Variants in MARCHF1 observed in about 807,000 individuals in gnomAD.
The protein encoded by MARCHF1 is membrane associated ring-CH-type finger 1.
A neutral mutation model predicts 54.2 loss-of-function variants in MARCHF1; 40 were observed. The ratio of observed to expected loss-of-function variants is 0.74; its 90% CI spans 0.57 to 0.96. The LOEUF (loss-of-function observed/expected upper bound fraction) is 0.96. Ranked by LOEUF, MARCHF1 falls within the 40% of genes least tolerant of loss-of-function variation. The probability of loss-of-function intolerance (pLI) is 0.00; values close to 1 mark genes in which losing one functional copy is unlikely to be tolerated. For synonymous variants in MARCHF1, 236 were observed against 236.3 expected (o/e 1.00, Z 0.01); for missense variants, 586 against 656.5 (o/e 0.89, Z 1.17).
intron 1 of MARCHF1, among the ~76,000 whole-genome samples, chr4:164,339,737 T>C (rs1186645627): frequency 6.6e-6 from 1 of 152,000 alleles, no homozygotes; most frequent in Non-Finnish European, 1.5e-5. Flanking sequence ...GAGAAATAAA[T>C]AGACACTAGA....
chr4:164,070,946 G>A (rs983969146), intron 2 of MARCHF1, among the ~76,000 whole-genome samples: 16 of 152,100 alleles, frequency 1.1e-4, no homozygotes, highest in East Asian at 1.9e-4. Flanking sequence ...GAGATCTGAC[G>A]GGTTTATCAA....
chr4:163,544,731 CT>C (rs1413967653), intron 9 of MARCHF1, among the ~76,000 whole-genome samples: 1 of 152,006 alleles, frequency 6.6e-6, no homozygotes, highest in African/African-American at 2.4e-5. Context: ...CTTTCATTTT[CT>C]TCCATTTTTT....
At chr4:163,693,551 A>G (rs902344500) in intron 5 of MARCHF1, among the ~76,000 whole-genome samples, 72 of 151,496 alleles carry the variant, frequency 4.8e-4, no homozygotes, top group African/African-American at 1.7e-3. Flanking sequence ...TAAAAATGCA[A>G]TGTGGGCTCT....
chr4:164,034,064 T>TAGAC lies in MARCHF1; in HGVS notation c.-247-45359_-247-45356dup, dbSNP rs749006121. ...GATAGACTGGATAAAGAAAATGTGA[T>TAGAC]AGACAGATAGATAGATAGATAGATA... On this transcript the variant is annotated intron_variant, in intron 2 of 9. Transcript: ENST00000514618. Among the ~76,000 whole-genome samples, 398 of 135,772 alleles carry TAGAC rather than the reference T, an allele frequency of 2.9e-3. 2 individuals carry two copies. Among genetic ancestry groups the TAGAC allele is most frequent in the Middle Eastern group, 0.02 (5 of 256 alleles). 89.1% of individuals were successfully genotyped at this position (135,772 alleles called of 152,430 possible). A position where few individuals can be genotyped will look rare whatever the true frequency, so the allele number is the denominator to read the frequency against.
At chr4:164,059,709 AT>A (rs948243347) in intron 2 of MARCHF1, among the ~76,000 whole-genome samples, 2 of 152,112 alleles carry the variant, frequency 1.3e-5, no homozygotes, top group East Asian at 3.8e-4. Flanking sequence ...GATGCTGGGT[AT>A]TTTTTTAAAA....
intron 2 of MARCHF1, among the ~76,000 whole-genome samples, chr4:164,101,123 G>A (rs951928667): frequency 4.6e-5 from 7 of 152,228 alleles, no homozygotes; most frequent in Non-Finnish European, 7.3e-5. Context: ...CGCCCACGGA[G>A]TCTTGCTGAT....
chr4:164,116,043 T>G (rs959532280), intron 1 of MARCHF1, among the ~76,000 whole-genome samples: 1 of 152,124 alleles, frequency 6.6e-6, no homozygotes, highest in African/African-American at 2.4e-5. Flanking sequence ...AAAATCTAAA[T>G]AACTTATCTT....
rs545685128 is a variant in MARCHF1, at chr4:163,678,149, G to A, written c.162+22664C>T. Among the ~76,000 whole-genome samples, 5 of 152,268 alleles carry A rather than the reference G, an allele frequency of 3.3e-5. No homozygotes were observed. In the East Asian group the frequency reaches 7.7e-4, roughly 23 times the overall value. The stretch of plus-strand genomic sequence containing the variant: ...CACAGATGGAATTCCTTGATTCTCT[G>A]TTCTTCCCTATTTCTTATACTAAAA... On this transcript the variant is annotated intron_variant, in intron 5 of 9. Coordinates refer to ENST00000514618, the MANE Select transcript of MARCHF1 (RefSeq NM_001394959.1).
intron 2 of MARCHF1, among the ~76,000 whole-genome samples, chr4:164,028,367 C>T (rs184113466): frequency 6.6e-6 from 1 of 152,228 alleles, no homozygotes; most frequent in Admixed American, 6.5e-5. Flanking sequence ...GCAGTACATA[C>T]ACACCAAGAA....
chr4:164,080,279 G>A (rs145750231), intron 2 of MARCHF1, among the ~76,000 whole-genome samples: 50 of 152,284 alleles, frequency 3.3e-4, no homozygotes, highest in African/African-American at 1.2e-3. Flanking sequence ...GACTGCTGGC[G>A]AGACCAGCAG....
At chr4:164,342,270 C>G (rs1001558272) in intron 1 of MARCHF1, among the ~76,000 whole-genome samples, 3 of 152,082 alleles carry the variant, frequency 2.0e-5, no homozygotes, top group Admixed American at 2.0e-4. Flanking sequence ...TCACCTCACA[C>G]CTGTTAAGAC....
intron 3 of MARCHF1, among the ~76,000 whole-genome samples, chr4:163,863,008 A>T (rs936212746): frequency 2.6e-5 from 4 of 152,078 alleles, no homozygotes; most frequent in African/African-American, 7.2e-5. Flanking sequence ...CATTCTAGAA[A>T]AGATAATGCT....
At chr4:164,351,006 G>T (rs545475495) in intron 1 of MARCHF1, among the ~76,000 whole-genome samples, 2 of 151,984 alleles carry the variant, frequency 1.3e-5, no homozygotes, top group Non-Finnish European at 2.9e-5. Context: ...GGTGACGGAC[G>T]CACCTGGAAA....
At chr4:163,957,673 T>C (rs1752257320) in intron 3 of MARCHF1, among the ~76,000 whole-genome samples, 1 of 152,038 alleles carries the variant, frequency 6.6e-6, no homozygotes, top group African/African-American at 2.4e-5. Flanking sequence ...GAAATAGCTC[T>C]ATTTGTCAGT....
intron 2 of MARCHF1, among the ~76,000 whole-genome samples, chr4:164,074,957 G>A (rs1266299585): frequency 6.6e-6 from 1 of 151,794 alleles, no homozygotes; most frequent in Admixed American, 6.6e-5. Flanking sequence ...ACCCTGGACT[G>A]TATTTATGTT....
intron 2 of MARCHF1, among the ~76,000 whole-genome samples, chr4:164,098,768 T>C (rs1755470539): frequency 6.6e-6 from 1 of 152,202 alleles, no homozygotes; most frequent in South Asian, 2.1e-4. Context: ...CTTTATGCAA[T>C]GGTTAGGGCT....
intron 1 of MARCHF1, among the ~76,000 whole-genome samples, chr4:164,218,466 G>A (rs1406776760): frequency 6.6e-6 from 1 of 152,028 alleles, no homozygotes; most frequent in African/African-American, 2.4e-5. Flanking sequence ...ATGAGCCAGA[G>A]AAAGGAATAG....
At chr4:163,968,233 G>T (rs528396707) in intron 3 of MARCHF1, among the ~76,000 whole-genome samples, 1 of 104,282 alleles carries the variant, frequency 9.6e-6, no homozygotes, top group Admixed American at 1.2e-4. Context: ...GACCCTATTT[G>T]CTATACTAAA....
At chr4:163,544,081 C>G (rs988894320) in intron 9 of MARCHF1, among the ~76,000 whole-genome samples, 1 of 152,092 alleles carries the variant, frequency 6.6e-6, no homozygotes, top group Non-Finnish European at 1.5e-5. Flanking sequence ...GGTGGGGATG[C>G]CTTTTTGTTT....
Sources: gnomAD v4.1 joint callset for allele counts (sites outside exome capture counted in the v4.1 genomes callset) on GRCh38, gnomAD v4.1.1 for gene constraint, MANE v1.5 for transcripts, NCBI Gene and HGNC (gene_info 2026-07-23, HGNC 2026-07-21) for gene names.